Variants in TMEM132D observed in about 807,000 individuals in gnomAD.
TMEM132D encodes the protein transmembrane protein 132D.
TMEM132D carries 21 observed loss-of-function variants against 62.3 expected under a neutral mutation model. The ratio of observed to expected loss-of-function variants is 0.34; its 90% CI spans 0.24 to 0.49. TMEM132D has a LOEUF of 0.49. Among genes scored for constraint, TMEM132D ranks in the 20% least tolerant of loss-of-function variants. The probability of loss-of-function intolerance (pLI) is 0.99; values close to 1 mark genes in which losing one functional copy is unlikely to be tolerated. For synonymous variants in TMEM132D, 621 were observed against 575.6 expected, an observed-to-expected ratio of 1.08 and a Z score of -1.13; for missense variants, 1,346 against 1,402.8, an observed-to-expected ratio of 0.96 and a Z score of 0.65.
chr12:129,848,962 G>A (rs943279459), intron 1 of TMEM132D, among the ~76,000 whole-genome samples: 1 of 152,158 alleles, frequency 6.6e-6, no homozygotes, highest in African/African-American at 2.4e-5. Flanking sequence ...TCCCAGCCAA[G>A]TTGATTTCCC....
intron 5 of TMEM132D, among the ~76,000 whole-genome samples, chr12:129,200,693 C>T (rs958434159): frequency 1.3e-5 from 2 of 152,170 alleles, no homozygotes; most frequent in African/African-American, 4.8e-5. Context: ...AGCTGGATTG[C>T]AGAAAGAGAA....
intron 5 of TMEM132D, among the ~76,000 whole-genome samples, chr12:129,177,808 C>A (rs775617580): frequency 6.6e-6 from 1 of 152,104 alleles, no homozygotes; most frequent in Non-Finnish European, 1.5e-5. Context: ...GCAGGATGTG[C>A]AGGTTTGTTA....
intron 2 of TMEM132D, among the ~76,000 whole-genome samples, chr12:129,695,688 C>T (rs1018884930): frequency 6.6e-6 from 1 of 152,218 alleles, no homozygotes; most frequent in Admixed American, 6.5e-5. Flanking sequence ...GCATCTGGTC[C>T]CTCTCCTACC....
At chr12:129,463,706 T>C (rs1360943333) in intron 3 of TMEM132D, among the ~76,000 whole-genome samples, 6 of 151,544 alleles carry the variant, frequency 4.0e-5, no homozygotes, top group Admixed American at 6.6e-5. Flanking sequence ...TTCCCACCTA[T>C]GAGTGAGAAC....
At chr12:129,411,063 A>T (rs10773650) in intron 3 of TMEM132D, among the ~76,000 whole-genome samples, 103,665 of 151,644 alleles carry the variant, frequency 0.68, 36,172 homozygotes, top group East Asian at 0.89. Flanking sequence ...ATGAATGCTG[A>T]TAATTTCATG....
intron 3 of TMEM132D, chr12:129,521,554 G>A (rs1373903065): frequency 6.6e-6 from 1 of 152,236 alleles, no homozygotes; most frequent in Admixed American, 6.5e-5. Flanking sequence ...AGGTAACCAG[G>A]TACTTCGTAA....
intron 5 of TMEM132D, among the ~76,000 whole-genome samples, chr12:129,112,460 G>A (rs1376916974): frequency 2.6e-5 from 4 of 152,186 alleles, no homozygotes; most frequent in South Asian, 2.1e-4. Context: ...TCGGGAGTTC[G>A]AGACCATCCT....
chr12:129,892,317 T>C (rs1874952220), intron 1 of TMEM132D, among the ~76,000 whole-genome samples: 2 of 152,226 alleles, frequency 1.3e-5, no homozygotes, highest in South Asian at 4.1e-4. Flanking sequence ...CTATGTTTAA[T>C]AGACAATATT....
rs561391305 is a variant in TMEM132D, at chr12:129,534,434, A to ATATAT, written c.969-3230_969-3229insATATA. On this transcript the variant is annotated intron_variant, in intron 2 of 8. Transcript: ENST00000422113. ...TATATTTTATATACATATATATATAAAAATATATAAATGCAATTTGTATAT... is the reference window on the plus strand; with the variant it reads ...TATATTTTATATACATATATATATAATATATAAATATATAAATGCAATTTGTATAT... Among the ~76,000 whole-genome samples, 789 of 150,044 alleles carry ATATAT rather than the reference A, an allele frequency of 5.3e-3. 6 individuals are homozygous for ATATAT. Among genetic ancestry groups the ATATAT allele is most frequent in the African/African-American group, 0.016 (654 of 41,110 alleles).
intron 3 of TMEM132D, among the ~76,000 whole-genome samples, chr12:129,341,510 C>T (rs2135661766): frequency 6.6e-6 from 1 of 152,292 alleles, no homozygotes; most frequent in South Asian, 2.1e-4. Context: ...CGACTCCATC[C>T]TGAATGAGGG....
chr12:129,308,185 A>C (rs1406674041), intron 4 of TMEM132D, among the ~76,000 whole-genome samples: 1 of 152,170 alleles, frequency 6.6e-6, no homozygotes, highest in Non-Finnish European at 1.5e-5. Flanking sequence ...CTCGATCACA[A>C]TATTGTTATA....
intron 2 of TMEM132D, among the ~76,000 whole-genome samples, chr12:129,638,566 C>CATATATAAATTATAT (rs1879553342): frequency 9.1e-6 from 1 of 109,752 alleles, no homozygotes; most frequent in Non-Finnish European, 2.0e-5. Context: ...AATATATAAA[C>CATATATAAATTATAT]ATATATAAAT....
intron 2 of TMEM132D, among the ~76,000 whole-genome samples, chr12:129,538,545 T>C (rs931898999): frequency 3.3e-5 from 5 of 152,172 alleles, no homozygotes; most frequent in African/African-American, 1.2e-4. Context: ...CTAAACCCTA[T>C]ACATACTATG....
chr12:129,730,135 CGTGA>C (rs1183537851), intron 1 of TMEM132D, among the ~76,000 whole-genome samples: 1 of 152,132 alleles, frequency 6.6e-6, no homozygotes, highest in African/African-American at 2.4e-5. Context: ...CTTATACGGA[CGTGA>C]GTAACAATTA....
At chr12:129,894,556 C>T (rs112796189) in intron 1 of TMEM132D, among the ~76,000 whole-genome samples, 15 of 152,260 alleles carry the variant, frequency 9.9e-5, no homozygotes, top group African/African-American at 2.9e-4. Flanking sequence ...TAAGATAATT[C>T]GAAGCTTCAT....
At chr12:129,408,440 CT>C (rs34261219) in intron 3 of TMEM132D, among the ~76,000 whole-genome samples, 2,934 of 143,506 alleles carry the variant, frequency 0.02, 79 homozygotes, top group African/African-American at 0.063. Flanking sequence ...TTGATAGTAG[CT>C]TTTTTTTTTT....
intron 4 of TMEM132D, among the ~76,000 whole-genome samples, chr12:129,284,192 G>C (rs914550739): frequency 3.3e-5 from 5 of 151,350 alleles, no homozygotes; most frequent in African/African-American, 1.2e-4. Flanking sequence ...ATCTGAAACA[G>C]GTGCAGCCTT....
chr12:129,223,924 A>G (rs73420133), intron 4 of TMEM132D, among the ~76,000 whole-genome samples: 1,768 of 152,230 alleles, frequency 0.012, 33 homozygotes, highest in African/African-American at 0.039. Flanking sequence ...CACTATTGAT[A>G]TTTTGGGCTG....
intron 5 of TMEM132D, among the ~76,000 whole-genome samples, chr12:129,098,963 CTG>C (rs538347578): frequency 5.3e-5 from 8 of 152,294 alleles, no homozygotes; most frequent in South Asian, 4.2e-4. Flanking sequence ...TGCCTAAAAT[CTG>C]GACCCCACAG....
Sources: gnomAD v4.1 joint callset for allele counts (sites outside exome capture counted in the v4.1 genomes callset) on GRCh38, gnomAD v4.1.1 for gene constraint, MANE v1.5 for transcripts, NCBI Gene and HGNC (gene_info 2026-07-23, HGNC 2026-07-21) for gene names.